The following GALNT13 variants were observed in gnomAD, a reference collection of about 807,000 sequenced individuals.
GALNT13 encodes UDP-GalNAc:polypeptide N-acetylgalactosaminyltransferase 13.
A neutral mutation model predicts 64.2 loss-of-function variants in GALNT13; 28 were observed. The observed-to-expected ratio is 0.44, with a 90% confidence interval of 0.32 to 0.60. The LOEUF is 0.60. Ranked by LOEUF, GALNT13 falls within the 20% of genes least tolerant of loss-of-function variation. GALNT13 has a pLI of 0.05. For synonymous variants in GALNT13, 214 were observed against 224.6 expected (o/e 0.95, Z 0.42); for missense variants, 577 against 669.8 (o/e 0.86, Z 1.53).
the GALNT13 span, among the ~76,000 whole-genome samples, chr2:153,746,636 G>T: frequency 6.6e-6 from 1 of 152,030 alleles, no homozygotes; most frequent in Admixed American, 6.6e-5. Context: ...GTGTATTTCT[G>T]GTGGGTGCAG....
chr2:153,342,068 T>G, the GALNT13 span, among the ~76,000 whole-genome samples: 6 of 152,346 alleles, frequency 3.9e-5, no homozygotes, highest in East Asian at 1.2e-3. Context: ...TCATTAAATT[T>G]AATTTAGACT....
At chr2:153,256,025 T>C in the GALNT13 span, among the ~76,000 whole-genome samples, 12 of 152,320 alleles carry the variant, frequency 7.9e-5, no homozygotes, top group Middle Eastern at 3.4e-3. Context: ...CCTTGCTAGA[T>C]TGGGGAAGTT....
chr2:153,233,983 C>A, the GALNT13 span, among the ~76,000 whole-genome samples: 4 of 152,034 alleles, frequency 2.6e-5, no homozygotes, highest in Admixed American at 2.6e-4. Context: ...AGAATAGTTA[C>A]AAAAATGTAT....
chr2:153,343,346 G>A, the GALNT13 span, among the ~76,000 whole-genome samples: 3 of 152,074 alleles, frequency 2.0e-5, no homozygotes, highest in Non-Finnish European at 4.4e-5. Context: ...ATGGAAGAAG[G>A]TGATAAAAAT....
chr2:153,884,854 T>TACAC (rs1409159122), intron 1 of GALNT13, among the ~76,000 whole-genome samples: 1 of 80,292 alleles, frequency 1.2e-5, no homozygotes, highest in Non-Finnish European at 2.7e-5. Flanking sequence ...TATATATGTA[T>TACAC]ATACACACAC....
chr2:153,764,750 T>C, the GALNT13 span, among the ~76,000 whole-genome samples: 1 of 152,174 alleles, frequency 6.6e-6, no homozygotes. Flanking sequence ...CCATCATAGG[T>C]CCAGAAGCCT....
the GALNT13 span, among the ~76,000 whole-genome samples, chr2:153,720,953 A>G: frequency 6.6e-6 from 1 of 152,122 alleles, no homozygotes; most frequent in African/African-American, 2.4e-5. Context: ...TTCAGGAAAT[A>G]CAGAGAACGC....
the GALNT13 span, among the ~76,000 whole-genome samples, chr2:153,553,829 C>A: frequency 7.4e-3 from 1,120 of 152,084 alleles, 20 homozygotes; most frequent in African/African-American, 0.025. Context: ...ACAGAGCGGG[C>A]AGCTGAAGGG....
the GALNT13 span, among the ~76,000 whole-genome samples, chr2:153,740,979 G>A: frequency 6.6e-6 from 1 of 152,084 alleles, no homozygotes; most frequent in Non-Finnish European, 1.5e-5. Flanking sequence ...CTGCACTTAA[G>A]CTAAAAGTTA....
intron 11 of GALNT13, among the ~76,000 whole-genome samples, chr2:154,422,950 A>C (rs2105428772): frequency 6.6e-6 from 1 of 152,172 alleles, no homozygotes; most frequent in South Asian, 2.1e-4. Context: ...TCTAGGGTAC[A>C]TGTGCACAAT....
At chr2:154,447,123 G>A (rs1574329403) in intron 12 of GALNT13, among the ~76,000 whole-genome samples, 1 of 151,594 alleles carries the variant, frequency 6.6e-6, no homozygotes, top group African/African-American at 2.4e-5. Flanking sequence ...GAAAAAAATC[G>A]ATTAAAAAAC....
intron 4 of GALNT13, among the ~76,000 whole-genome samples, chr2:154,202,125 G>A (rs1225274610): frequency 6.6e-6 from 1 of 152,052 alleles, no homozygotes; most frequent in Non-Finnish European, 1.5e-5. Flanking sequence ...CTGTCTAGCA[G>A]GGGAGAAAAA....
chr2:153,678,180 A>G, the GALNT13 span, among the ~76,000 whole-genome samples: 3 of 123,040 alleles, frequency 2.4e-5, no homozygotes, highest in South Asian at 4.8e-4. Flanking sequence ...TATATATCCA[A>G]TATATCCAAA....
chr2:153,654,240 G>A, the GALNT13 span, among the ~76,000 whole-genome samples: 1 of 151,968 alleles, frequency 6.6e-6, no homozygotes, highest in East Asian at 1.9e-4. Flanking sequence ...AAAAATATAA[G>A]GATGAAGAAT....
At chr2:154,167,557 T>C (rs1685102314) in intron 4 of GALNT13, among the ~76,000 whole-genome samples, 1 of 152,220 alleles carries the variant, frequency 6.6e-6, no homozygotes, top group Non-Finnish European at 1.5e-5. Flanking sequence ...GCAAAAACTT[T>C]TCTTTTACTC....
intron 9 of GALNT13, among the ~76,000 whole-genome samples, chr2:154,311,766 G>A (rs1241113545): frequency 6.6e-6 from 1 of 152,214 alleles, no homozygotes; most frequent in East Asian, 1.9e-4. Context: ...GCCCTGGGGG[G>A]GCCAGTTCAG....
the GALNT13 span, among the ~76,000 whole-genome samples, chr2:153,699,490 A>G: frequency 6.6e-6 from 1 of 152,202 alleles, no homozygotes; most frequent in African/African-American, 2.4e-5. Context: ...AACTAAGGTC[A>G]GAGCAGAACT....
At chr2:154,024,445 T>C (rs998202109) in intron 3 of GALNT13, among the ~76,000 whole-genome samples, 1 of 152,212 alleles carries the variant, frequency 6.6e-6, no homozygotes, top group Non-Finnish European at 1.5e-5. Context: ...ATTTATTTCG[T>C]CTTCCATCAC....
chr2:153,459,567 A>T, the GALNT13 span, among the ~76,000 whole-genome samples: 1 of 152,200 alleles, frequency 6.6e-6, no homozygotes, highest in Non-Finnish European at 1.5e-5. Context: ...GACAGAGCAA[A>T]ATCTGACAAA....
Sources: gnomAD v4.1 joint callset for allele counts (sites outside exome capture counted in the v4.1 genomes callset) on GRCh38, gnomAD v4.1.1 for gene constraint, MANE v1.5 for transcripts, NCBI Gene and HGNC (gene_info 2026-07-23, HGNC 2026-07-21) for gene names.